GALNTL6: variants seen among roughly 807,000 people sequenced by gnomAD.
GALNTL6 encodes the protein polypeptide N-acetylgalactosaminyltransferase like 6.
GALNTL6 carries 46 observed loss-of-function variants against 73.7 expected under a neutral mutation model. The ratio of observed to expected loss-of-function variants is 0.62; its 90% CI spans 0.49 to 0.80. GALNTL6 has a LOEUF of 0.80. GALNTL6 is among the 30% of genes least tolerant of loss of function. The pLI, the probability that GALNTL6 is intolerant of heterozygous loss-of-function variation, is 0.00. For synonymous variants in GALNTL6, 259 were observed against 263.7 expected, an observed-to-expected ratio of 0.98 and a Z score of 0.17; for missense variants, 604 against 755.0, an observed-to-expected ratio of 0.80 and a Z score of 2.34.
At chr4:172,893,628 G>T (rs1746167743) in intron 8 of GALNTL6, among the ~76,000 whole-genome samples, 1 of 152,182 alleles carries the variant, frequency 6.6e-6, no homozygotes, top group Non-Finnish European at 1.5e-5. Flanking sequence ...ACAAAGATCA[G>T]ATGCACCCCC....
At chr4:172,986,858 A>G (rs568841175) in intron 10 of GALNTL6, among the ~76,000 whole-genome samples, 49 of 152,352 alleles carry the variant, frequency 3.2e-4, no homozygotes, top group African/African-American at 1.0e-3. Flanking sequence ...AATAAGCTTT[A>G]GCTTGTAGGG....
chr4:172,125,732 A>G (rs1421745123), intron 2 of GALNTL6, among the ~76,000 whole-genome samples: 1 of 152,130 alleles, frequency 6.6e-6, no homozygotes, highest in Admixed American at 6.5e-5. Flanking sequence ...TCTTTCTCAT[A>G]AAAAAATTAT....
At chr4:171,833,248 G>A (rs1735024777) in intron 2 of GALNTL6, among the ~76,000 whole-genome samples, 1 of 151,300 alleles carries the variant, frequency 6.6e-6, no homozygotes, top group South Asian at 2.1e-4. Context: ...GCTATTGACT[G>A]GTGTTTAATA....
At chr4:172,818,915 C>A (rs1352487450) in intron 7 of GALNTL6, among the ~76,000 whole-genome samples, 3 of 152,118 alleles carry the variant, frequency 2.0e-5, no homozygotes, top group Admixed American at 6.6e-5. Flanking sequence ...CCATTTTATT[C>A]TCTCAGAAAC....
At chr4:172,120,818 C>T (rs934701948) in intron 2 of GALNTL6, among the ~76,000 whole-genome samples, 2 of 151,384 alleles carry the variant, frequency 1.3e-5, no homozygotes, top group Non-Finnish European at 2.9e-5. Context: ...TTTGTCGAAA[C>T]CTGAACCAAT....
chr4:172,961,944 A>T (rs913041779), intron 10 of GALNTL6, among the ~76,000 whole-genome samples: 3 of 152,244 alleles, frequency 2.0e-5, no homozygotes, highest in Admixed American at 2.0e-4. Flanking sequence ...GCTTTGTGTG[A>T]GCAACAAGGC....
At chr4:172,848,120 A>T (rs902877032) in intron 7 of GALNTL6, among the ~76,000 whole-genome samples, 15 of 152,206 alleles carry the variant, frequency 9.9e-5, no homozygotes, top group African/African-American at 3.6e-4. Flanking sequence ...CCTACAAATG[A>T]CTTGGCTTCT....
chr4:171,870,514 T>A (rs1736108267), intron 2 of GALNTL6, among the ~76,000 whole-genome samples: 1 of 152,050 alleles, frequency 6.6e-6, no homozygotes, highest in Admixed American at 6.5e-5. Context: ...ATCTTAACCA[T>A]TGATATAAAT....
intron 8 of GALNTL6, among the ~76,000 whole-genome samples, chr4:172,916,181 T>C (rs1017596532): frequency 1.3e-5 from 2 of 152,172 alleles, no homozygotes; most frequent in African/African-American, 4.8e-5. Context: ...AAAAGGCCTT[T>C]GACAAAATTC....
rs941576966 is a variant in GALNTL6 at position 171,975,195 on chromosome 4, A to C, written c.138+160477A>C. ...ATAAGACTGTATTATAGGTATTCCC[A>C]TTTCCTTGAGGACAAGAGTAATAAG... On this transcript the variant is annotated intron_variant, in intron 2 of 12. Transcript: ENST00000506823. Among the ~76,000 whole-genome samples the C allele has an allele frequency of 3.9e-5, 6 of 152,250 alleles. No homozygotes were observed. In the South Asian group the frequency reaches 1.2e-3, roughly 32 times the overall value.
chr4:172,568,835 A>T (rs1736661396), intron 5 of GALNTL6, among the ~76,000 whole-genome samples: 2 of 151,066 alleles, frequency 1.3e-5, no homozygotes, highest in Admixed American at 1.3e-4. Context: ...TGTGGGCCAC[A>T]TGCAGTCCAG....
chr4:172,649,751 C>T (rs1017661010), intron 5 of GALNTL6, among the ~76,000 whole-genome samples: 10 of 152,092 alleles, frequency 6.6e-5, no homozygotes, highest in Admixed American at 3.9e-4. Context: ...AAAATGTTTA[C>T]TTTCAAGTTA....
intron 5 of GALNTL6, among the ~76,000 whole-genome samples, chr4:172,781,350 CAATT>C (rs1387386339): frequency 6.6e-6 from 1 of 151,990 alleles, no homozygotes; most frequent in African/African-American, 2.4e-5. Flanking sequence ...GAATCTTAGC[CAATT>C]AATTCATACT....
At chr4:172,025,112 G>T (rs1172834891) in intron 2 of GALNTL6, among the ~76,000 whole-genome samples, 2 of 151,934 alleles carry the variant, frequency 1.3e-5, no homozygotes, top group African/African-American at 2.4e-5. Context: ...ATTTAGGTAG[G>T]TCAAGGGGTT....
chr4:172,958,412 A>G (rs866369880), intron 10 of GALNTL6, among the ~76,000 whole-genome samples: 18 of 152,280 alleles, frequency 1.2e-4, no homozygotes, highest in Middle Eastern at 3.4e-3. Flanking sequence ...GGGTGGGGGT[A>G]GTCTCTAAAG....
rs559789944 is a variant in GALNTL6, at chr4:172,556,718, A to T, written c.553+208029A>T. Among the ~76,000 whole-genome samples, 4 of 151,604 alleles carry T rather than the reference A, an allele frequency of 2.6e-5. No homozygotes were observed. In the East Asian group the frequency reaches 7.7e-4, roughly 29 times the overall value. On this transcript the variant is annotated intron_variant, in intron 5 of 12. Transcript: ENST00000506823. ...CAAGAAATAAACATCACCATTTAGGATCAGCAATGCCTGCTAGACCCACAC... is the reference window on the plus strand; with the variant it reads ...CAAGAAATAAACATCACCATTTAGGTTCAGCAATGCCTGCTAGACCCACAC...
chr4:172,873,204 C>T (rs1745032844), intron 7 of GALNTL6, among the ~76,000 whole-genome samples: 1 of 152,204 alleles, frequency 6.6e-6, no homozygotes, highest in African/African-American at 2.4e-5. Context: ...AAAGACTCTT[C>T]CACCAGTGTC....
At chr4:172,159,524 A>G (rs926162621) in intron 2 of GALNTL6, among the ~76,000 whole-genome samples, 8 of 152,194 alleles carry the variant, frequency 5.3e-5, no homozygotes, top group Non-Finnish European at 1.0e-4. Context: ...CATTTCAAAC[A>G]TGAGTAGGAG....
At chr4:172,877,271 A>G (rs999453356) in intron 7 of GALNTL6, among the ~76,000 whole-genome samples, 8 of 152,198 alleles carry the variant, frequency 5.3e-5, no homozygotes, top group African/African-American at 1.9e-4. Flanking sequence ...AATGTGAGAA[A>G]GTAGGCAAGA....
Sources: allele counts gnomAD v4.1 joint callset (sites outside exome capture counted in the v4.1 genomes callset), GRCh38; gene constraint gnomAD v4.1.1; transcripts MANE v1.5; gene names NCBI Gene and HGNC (gene_info 2026-07-23, HGNC 2026-07-21).